The following CPNE4 variants were observed in gnomAD, a reference collection of about 807,000 sequenced individuals.
The protein encoded by CPNE4 is copine 4.
Under a neutral mutation model 67.9 loss-of-function variants are expected in CPNE4, and 25 were observed. The observed-to-expected ratio is 0.37, with a 90% confidence interval of 0.27 to 0.51. The LOEUF (loss-of-function observed/expected upper bound fraction) is 0.51. Ranked by LOEUF, CPNE4 falls within the 20% of genes least tolerant of loss-of-function variation. The pLI is 0.93. For missense variants in CPNE4, 464 were observed against 690.8 expected, an observed-to-expected ratio of 0.67 and a Z score of 3.68; for synonymous variants, 242 against 244.9, an observed-to-expected ratio of 0.99 and a Z score of 0.11.
intron 2 of CPNE4, among the ~76,000 whole-genome samples, chr3:131,850,147 T>A (rs1238045994): frequency 2.6e-5 from 4 of 152,168 alleles, no homozygotes; most frequent in East Asian, 1.9e-4. Context: ...AAAACATTTT[T>A]AAATTTTTTT....
At chr3:131,861,556 A>G (rs112240078) in intron 2 of CPNE4, among the ~76,000 whole-genome samples, 11,360 of 151,242 alleles carry the variant, frequency 0.075, 576 homozygotes, top group East Asian at 0.16. Flanking sequence ...TCAGCCTCCC[A>G]AGTAGTTGGG....
chr3:131,949,624 T>G (rs2107881859), intron 1 of CPNE4, among the ~76,000 whole-genome samples: 1 of 152,340 alleles, frequency 6.6e-6, no homozygotes, highest in Non-Finnish European at 1.5e-5. Flanking sequence ...CTGCTACTAC[T>G]ATTTAATAAA....
intron 6 of CPNE4, among the ~76,000 whole-genome samples, chr3:131,680,016 T>C (rs752356569): frequency 2.6e-5 from 4 of 152,094 alleles, no homozygotes; most frequent in Admixed American, 6.6e-5. Context: ...GTTAATATTG[T>C]CTGTGGGGTG....
chr3:131,986,867 C>CAAAA (rs112652096), intron 1 of CPNE4, among the ~76,000 whole-genome samples: 1 of 134,670 alleles, frequency 7.4e-6, no homozygotes, highest in African/African-American at 2.8e-5. Context: ...AACAAACAAA[C>CAAAA]AAAAAAAAAA....
At chr3:131,645,196 C>T (rs938641343) in intron 7 of CPNE4, among the ~76,000 whole-genome samples, 2 of 152,234 alleles carry the variant, frequency 1.3e-5, no homozygotes, top group South Asian at 2.1e-4. Context: ...AAATGGGACT[C>T]ATCCTTTAGA....
upstream of CPNE4, chr3:132,037,640 G>A (rs1211177267): frequency 2.0e-6 from 3 of 1,532,136 alleles, no homozygotes; most frequent in Admixed American, 5.9e-5. Context: ...AAGCCACAAA[G>A]TCACTGTGGC....
chr3:131,889,704 G>A (rs184397168), intron 2 of CPNE4, among the ~76,000 whole-genome samples: 1 of 152,216 alleles, frequency 6.6e-6, no homozygotes, highest in Admixed American at 6.5e-5. Context: ...GTCATTTACT[G>A]TAATGTCAAC....
chr3:131,641,560 T>C (rs1370980245), intron 7 of CPNE4, among the ~76,000 whole-genome samples: 14 of 152,234 alleles, frequency 9.2e-5, no homozygotes, highest in Non-Finnish European at 7.3e-5. Flanking sequence ...TTTACACTGA[T>C]AGTGGGAATG....
At chr3:131,777,947 A>G (rs949082343) in intron 2 of CPNE4, among the ~76,000 whole-genome samples, 12 of 151,918 alleles carry the variant, frequency 7.9e-5, no homozygotes, top group African/African-American at 2.9e-4. Context: ...CAGGTAGGAG[A>G]CTCACACTGA....
chr3:131,929,185 C>A (rs1275357745), intron 1 of CPNE4, among the ~76,000 whole-genome samples: 1 of 119,404 alleles, frequency 8.4e-6, no homozygotes, highest in Non-Finnish European at 1.7e-5. Context: ...CAGTCCCCAA[C>A]TTGTCCTCAC....
chr3:131,920,479 G>T (rs1297867951), intron 1 of CPNE4, among the ~76,000 whole-genome samples: 1 of 152,124 alleles, frequency 6.6e-6, no homozygotes. Context: ...AGTGGCTAAG[G>T]ATCAAGGACT....
intron 2 of CPNE4, among the ~76,000 whole-genome samples, chr3:131,842,475 C>T (rs1393784552): frequency 6.6e-6 from 1 of 152,174 alleles, no homozygotes; most frequent in Non-Finnish European, 1.5e-5. Context: ...CAAGTACCCA[C>T]TCTGAACCCA....
intron 2 of CPNE4, among the ~76,000 whole-genome samples, chr3:131,772,315 TTTA>T (rs1282753003): frequency 1.3e-5 from 2 of 152,128 alleles, no homozygotes; most frequent in African/African-American, 4.8e-5. Flanking sequence ...TTCAATAAAT[TTTA>T]TTATAACCAT....
chr3:131,577,061 A>C (rs1351878028), intron 9 of CPNE4, among the ~76,000 whole-genome samples: 2 of 151,778 alleles, frequency 1.3e-5, no homozygotes, highest in Non-Finnish European at 2.9e-5. Flanking sequence ...AAGTTGTCAA[A>C]GCATCAAAAA....
chr3:131,821,417 T>G (rs72987746), intron 2 of CPNE4, among the ~76,000 whole-genome samples: 4,824 of 152,342 alleles, frequency 0.032, 183 homozygotes, highest in South Asian at 0.095. Context: ...ATTGTGAGAA[T>G]TCTGGACAGA....
intron 10 of CPNE4, among the ~76,000 whole-genome samples, chr3:131,570,328 TTTA>T (rs1163343063): frequency 5.6e-5 from 7 of 125,434 alleles, no homozygotes; most frequent in African/African-American, 3.1e-4. Context: ...TATTTATTTA[TTTA>T]TTTTTTTAAA....
intron 1 of CPNE4, among the ~76,000 whole-genome samples, chr3:131,926,452 G>A (rs184406524): frequency 9.2e-5 from 14 of 152,086 alleles, no homozygotes; most frequent in Non-Finnish European, 1.8e-4. Flanking sequence ...CATGAAATAC[G>A]AAAACAATTA....
chr3:131,780,328 G>A (rs1017943391), intron 2 of CPNE4, among the ~76,000 whole-genome samples: 1 of 152,046 alleles, frequency 6.6e-6, no homozygotes, highest in Middle Eastern at 3.4e-3. Flanking sequence ...CCTATTACTG[G>A]GTATATACTC....
At chr3:131,729,424 A>G (rs1486403356) in intron 2 of CPNE4, among the ~76,000 whole-genome samples, 2 of 152,194 alleles carry the variant, frequency 1.3e-5, no homozygotes, top group East Asian at 1.9e-4. Context: ...AAGTTAGATA[A>G]TAAAATGAAT....
Sources: gnomAD v4.1 joint callset for allele counts (sites outside exome capture counted in the v4.1 genomes callset) on GRCh38, gnomAD v4.1.1 for gene constraint, MANE v1.5 for transcripts, NCBI Gene and HGNC (gene_info 2026-07-23, HGNC 2026-07-21) for gene names.